Variants in TENM3 observed in about 807,000 individuals in gnomAD.
The protein encoded by TENM3 is teneurin-3.
A neutral mutation model predicts 255.1 loss-of-function variants in TENM3; 63 were observed. That is an observed-to-expected ratio of 0.25 (90% CI 0.20 to 0.30). TENM3 has a LOEUF of 0.30. TENM3 is among the 10% of genes least tolerant of loss of function. The probability of loss-of-function intolerance (pLI) is 1.00; values close to 1 mark genes in which losing one functional copy is unlikely to be tolerated. For missense variants in TENM3, 2,929 were observed against 3,461.1 expected (o/e 0.85, Z 3.86); for synonymous variants, 1,306 against 1,322.3 (o/e 0.99, Z 0.27).
At chr4:182,563,614 C>T (rs1410371309) in intron 3 of TENM3, among the ~76,000 whole-genome samples, 1 of 152,074 alleles carries the variant, frequency 6.6e-6, no homozygotes, top group African/African-American at 2.4e-5. Context: ...ATCCTTATAA[C>T]AATACTATGA....
the TENM3 span, among the ~76,000 whole-genome samples, chr4:181,477,643 GT>G: frequency 6.6e-6 from 1 of 152,038 alleles, no homozygotes; most frequent in Non-Finnish European, 1.5e-5. Context: ...AAAAATAATT[GT>G]TTTATATACG....
chr4:182,785,371 C>A (rs1447315212), intron 24 of TENM3, among the ~76,000 whole-genome samples: 1 of 151,968 alleles, frequency 6.6e-6, no homozygotes, highest in African/African-American at 2.4e-5. Context: ...CCCTCCCGGT[C>A]TTAACCTGAT....
At chr4:182,315,128 G>T (rs1216901865) in intron 1 of TENM3, among the ~76,000 whole-genome samples, 1 of 152,130 alleles carries the variant, frequency 6.6e-6, no homozygotes, top group Non-Finnish European at 1.5e-5. Context: ...AAATGCTACA[G>T]TACACGGCTA....
intron 3 of TENM3, among the ~76,000 whole-genome samples, chr4:182,555,837 T>G (rs1460536851): frequency 6.6e-6 from 1 of 152,178 alleles, no homozygotes; most frequent in Non-Finnish European, 1.5e-5. Context: ...GAATTACTTT[T>G]TTTTTTTCTA....
chr4:182,143,861 G>GT, upstream of TENM3: 1 of 152,570 alleles, frequency 6.6e-6, no homozygotes, highest in Admixed American at 6.5e-5. This position sits in a 1 kb window ranked among gnomAD's most constrained non-coding sequence, Gnocchi z 4.3. Context: ...CACGGCGAGA[G>GT]TAGTAAAGGC....
intron 1 of TENM3, among the ~76,000 whole-genome samples, chr4:182,159,478 GTGTGTGTA>G (rs1320749853): frequency 7.9e-6 from 1 of 126,856 alleles, no homozygotes; most frequent in Non-Finnish European, 1.8e-5. Flanking sequence ...GTGTGTGTGT[GTGTGTGTA>G]TCAGGATGGT....
the TENM3 span, among the ~76,000 whole-genome samples, chr4:181,584,795 A>G: frequency 6.6e-6 from 1 of 152,186 alleles, no homozygotes. Flanking sequence ...CAATAGCAAC[A>G]TGCACGAACA....
intron 7 of TENM3, among the ~76,000 whole-genome samples, chr4:182,674,067 G>C (rs538128286): frequency 2.0e-5 from 3 of 152,280 alleles, no homozygotes; most frequent in Admixed American, 1.3e-4. Context: ...TTAGTACATA[G>C]AGGAATATCA....
At chr4:181,450,099 G>C in the TENM3 span, among the ~76,000 whole-genome samples, 1 of 152,064 alleles carries the variant, frequency 6.6e-6, no homozygotes, top group African/African-American at 2.4e-5. Context: ...TACATTAACA[G>C]GTTAAAGAAT....
chr4:182,363,810 G>A (rs1002600902), intron 3 of TENM3, among the ~76,000 whole-genome samples: 5 of 152,098 alleles, frequency 3.3e-5, no homozygotes, highest in African/African-American at 1.2e-4. Flanking sequence ...GTGAAGTATG[G>A]TTCCCCTTCC....
chr4:182,240,461 G>C (rs1465029643), upstream of TENM3, among the ~76,000 whole-genome samples: 1 of 152,164 alleles, frequency 6.6e-6, no homozygotes, highest in Non-Finnish European at 1.5e-5. Flanking sequence ...CCAGTCCCCT[G>C]TTAGGCTCCT....
intron 1 of TENM3, among the ~76,000 whole-genome samples, chr4:182,197,879 C>T (rs1302348917): frequency 2.6e-5 from 4 of 152,110 alleles, no homozygotes; most frequent in South Asian, 4.1e-4. Flanking sequence ...CCGAGGCGGT[C>T]GGATCACCTG....
At chr4:181,591,131 T>C in the TENM3 span, among the ~76,000 whole-genome samples, 2 of 152,192 alleles carry the variant, frequency 1.3e-5, no homozygotes, top group African/African-American at 4.8e-5. Flanking sequence ...TTGACCAAGA[T>C]TCTTGCAAAT....
intron 6 of TENM3, among the ~76,000 whole-genome samples, chr4:182,654,930 T>C (rs936525841): frequency 2.6e-5 from 4 of 152,170 alleles, no homozygotes; most frequent in Non-Finnish European, 5.9e-5. Flanking sequence ...TTTTACGACA[T>C]TCGATTTTTA....
At chr4:181,540,042 C>A in the TENM3 span, among the ~76,000 whole-genome samples, 115 of 152,106 alleles carry the variant, frequency 7.6e-4, 1 homozygote, top group African/African-American at 2.1e-3. Context: ...GGGGAACATA[C>A]AAAATGAATC....
chr4:182,228,714 T>A lies in TENM3; in HGVS notation c.-76+83960T>A, dbSNP rs58017678. ...AATGTATTTTTATATTCACAGTTATTTTTTTAGGATGAACCATCAAGCTTT... is the reference window on the plus strand; with the variant it reads ...AATGTATTTTTATATTCACAGTTATATTTTTAGGATGAACCATCAAGCTTT... On this transcript the variant is annotated intron_variant, in intron 1 of 2. Coordinates refer to the TENM3 transcript ENST00000512480. Among the ~76,000 whole-genome samples the A allele has an allele frequency of 5.0e-4, 76 of 152,242 alleles. 1 individual carries two copies. In the East Asian group the frequency reaches 0.015, roughly 29 times the overall value.
At chr4:181,997,504 G>A in the TENM3 span, among the ~76,000 whole-genome samples, 1 of 152,100 alleles carries the variant, frequency 6.6e-6, no homozygotes, top group Admixed American at 6.6e-5. Flanking sequence ...TAGTTGTGTG[G>A]CTCTCTGTTA....
the TENM3 span, among the ~76,000 whole-genome samples, chr4:181,756,852 C>T: frequency 6.6e-6 from 1 of 152,182 alleles, no homozygotes; most frequent in African/African-American, 2.4e-5. Context: ...TGTCAACTTT[C>T]CATATTAGGA....
the TENM3 span, among the ~76,000 whole-genome samples, chr4:181,803,604 G>A: frequency 6.6e-6 from 1 of 152,100 alleles, no homozygotes; most frequent in East Asian, 1.9e-4. Flanking sequence ...GTCCAGGCCA[G>A]TAAGGGGAAT....
Sources: gnomAD v4.1 joint callset for allele counts (sites outside exome capture counted in the v4.1 genomes callset) on GRCh38, gnomAD v4.1.1 for gene constraint, Gnocchi (gnomAD v3.1) non-coding constraint, MANE v1.5 for transcripts, NCBI Gene and HGNC (gene_info 2026-07-23, HGNC 2026-07-21) for gene names.